ZNF423: variants seen among roughly 807,000 people sequenced by gnomAD.
The protein encoded by ZNF423 is Ebf-associated zinc finger protein.
ZNF423 carries 12 observed loss-of-function variants against 95.8 expected under a neutral mutation model. That is an observed-to-expected ratio of 0.13 (90% CI 0.08 to 0.20). ZNF423 has a LOEUF of 0.20. Among genes scored for constraint, ZNF423 ranks in the 10% least tolerant of loss-of-function variants. The pLI is 1.00. For missense variants in ZNF423, 1,316 were observed against 1,737.1 expected (o/e 0.76, Z 4.31); for synonymous variants, 749 against 711.9 (o/e 1.05, Z -0.83).
chr16:49,638,561 G>C lies in ZNF423; in HGVS notation c.615C>G (p.His205Gln). ...LHTGDKKYHC[H>Q]ECEAAFSRSD... ...TGCGGGAGAAGGCTGCCTCGCACTCGTGGCAGTGATACTTCTTGTCGCCCG... is the reference window on the plus strand; with the variant it reads ...TGCGGGAGAAGGCTGCCTCGCACTCCTGGCAGTGATACTTCTTGTCGCCCG... Residue 205 changes from histidine (H) to glutamine (Q), a missense_variant, in exon 4 of 8, where the codon CAC becomes CAG. His to Gln is a conservative substitution (Grantham distance 24). Coordinates refer to ENST00000563137, the MANE Select transcript of ZNF423 (RefSeq NM_001379286.1). This position sits in a 1 kb window ranked among gnomAD's most constrained non-coding sequence, Gnocchi z 5.6. The C allele has an allele frequency of 6.2e-7, 1 of 1,613,852 alleles. No homozygotes were observed.
At chr16:49,731,463 T>C in intron 2 of ZNF423, 1 of 709,876 alleles carries the variant, frequency 1.4e-6, no homozygotes, top group Non-Finnish European at 1.7e-6. Flanking sequence ...TGTCCAACTC[T>C]GAAATAAAGG....
chr16:49,550,978 G>A (rs572579026), intron 5 of ZNF423, among the ~76,000 whole-genome samples: 1 of 152,222 alleles, frequency 6.6e-6, no homozygotes, highest in Admixed American at 6.5e-5. Flanking sequence ...CTGCTGGACC[G>A]ATGAAGAGAC....
chr16:49,771,879 T>G (rs557172802), intron 2 of ZNF423, among the ~76,000 whole-genome samples: 4 of 151,872 alleles, frequency 2.6e-5, no homozygotes, highest in Admixed American at 2.0e-4. Flanking sequence ...CTCACCAGGG[T>G]TCTCCCAAGA....
chr16:49,547,937 G>A (rs768776093), intron 5 of ZNF423, among the ~76,000 whole-genome samples: 10 of 152,152 alleles, frequency 6.6e-5, no homozygotes, highest in Non-Finnish European at 5.9e-5. Flanking sequence ...CGTTTTCCAC[G>A]GCCTCCTTCC....
intron 7 of ZNF423, among the ~76,000 whole-genome samples, chr16:49,504,032 G>A (rs904625118): frequency 6.6e-6 from 1 of 152,198 alleles, no homozygotes; most frequent in African/African-American, 2.4e-5. Flanking sequence ...TCTCTTGTAC[G>A]AGGTGCCTAA....
intron 1 of ZNF423, among the ~76,000 whole-genome samples, chr16:49,815,881 A>AATATATATATATAT (rs1169322824): frequency 8.4e-5 from 4 of 47,596 alleles, no homozygotes; most frequent in African/African-American, 4.0e-4. Flanking sequence ...AAAAAAAAAA[A>AATATATATATATAT]ATATATATAT....
intron 1 of ZNF423, among the ~76,000 whole-genome samples, chr16:49,849,948 T>C (rs1186509913): frequency 6.6e-6 from 1 of 152,168 alleles, no homozygotes; most frequent in Non-Finnish European, 1.5e-5. Flanking sequence ...CAAAGGGATA[T>C]TACCATCATG....
rs571634038 is a variant in ZNF423 at position 49,615,765 on chromosome 16, C to G, written c.3601+10405G>C. On this transcript the variant is annotated intron_variant, in intron 5 of 7. Coordinates refer to ENST00000563137, the MANE Select transcript of ZNF423 (RefSeq NM_001379286.1). ...AGTTAAGCCCAGGCCAACCCCTGGG[C>G]CTCTGTCGCCATGACCTGGCTCCAC... Among the ~76,000 whole-genome samples the G allele has an allele frequency of 3.3e-5, 5 of 152,298 alleles. No homozygotes were observed. The South Asian group carries it at 1.0e-3, about 32-fold the overall frequency.
chr16:49,610,844 C>G (rs9934003), intron 5 of ZNF423, among the ~76,000 whole-genome samples: 34,039 of 151,626 alleles, frequency 0.22, 4,289 homozygotes, highest in African/African-American at 0.34. Flanking sequence ...TGCAAACATT[C>G]ATTGAAAGAA....
chr16:49,768,548 T>C (rs1284493043), intron 2 of ZNF423, among the ~76,000 whole-genome samples: 1 of 152,112 alleles, frequency 6.6e-6, no homozygotes, highest in Non-Finnish European at 1.5e-5. Flanking sequence ...AAGATTTTCT[T>C]CATAGGGTTC....
chr16:49,620,708 G>T (rs1041312268), intron 5 of ZNF423, among the ~76,000 whole-genome samples: 2 of 152,170 alleles, frequency 1.3e-5, no homozygotes, highest in East Asian at 3.9e-4. Context: ...GGGCCCAGAG[G>T]CTGAGTCACT....
chr16:49,760,938 G>A (rs953798569), intron 2 of ZNF423, among the ~76,000 whole-genome samples: 4 of 125,802 alleles, frequency 3.2e-5, no homozygotes, highest in East Asian at 2.4e-4. Context: ...ACACACACAC[G>A]TACACACACG....
intron 1 of ZNF423, among the ~76,000 whole-genome samples, chr16:49,833,528 C>T (rs2144065241): frequency 6.6e-6 from 1 of 152,292 alleles, no homozygotes; most frequent in East Asian, 1.9e-4. Context: ...TCACAAGACA[C>T]ATTCGAGTGA....
intron 5 of ZNF423, among the ~76,000 whole-genome samples, chr16:49,540,684 C>T (rs560553672): frequency 6.6e-6 from 1 of 152,298 alleles, no homozygotes; most frequent in Non-Finnish European, 1.5e-5. Context: ...AGGGCAGGAC[C>T]TTAGTGACAA....
chr16:49,670,549 C>T (rs2030758964), intron 3 of ZNF423, among the ~76,000 whole-genome samples: 2 of 152,154 alleles, frequency 1.3e-5, no homozygotes, highest in Admixed American at 1.3e-4. Flanking sequence ...GGCAGCCAAC[C>T]TAGTGCCAAG....
At chr16:49,818,736 A>C (rs920810973) in intron 1 of ZNF423, among the ~76,000 whole-genome samples, 23 of 151,762 alleles carry the variant, frequency 1.5e-4, no homozygotes, top group Non-Finnish European at 2.5e-4. Flanking sequence ...TATAAAAATA[A>C]ATTAGCTGAG....
At chr16:49,710,580 G>C (rs6416783) in intron 3 of ZNF423, among the ~76,000 whole-genome samples, 56,995 of 152,062 alleles carry the variant, frequency 0.37, 12,177 homozygotes, top group African/African-American at 0.58. Flanking sequence ...CTCCATCCCC[G>C]GCATCCTGGT....
intron 5 of ZNF423, among the ~76,000 whole-genome samples, chr16:49,584,503 C>T (rs76687181): frequency 0.046 from 7,037 of 152,270 alleles, 167 homozygotes; most frequent in Non-Finnish European, 0.052. Context: ...TACTCATACG[C>T]TGGGGCTGCC....
At position 49,515,283 on chromosome 16, in the gene ZNF423, G is replaced by T. The variant is rs113537566; in HGVS notation, c.3849+8341C>A. Among the ~76,000 whole-genome samples, 308 of 152,356 alleles carry T rather than the reference G, an allele frequency of 2.0e-3. No homozygotes were observed. The Middle Eastern group carries it at 0.024, about 12-fold the overall frequency. ...GGCTCACCCAGGAGCAATTTTTCTTGCATCCCCTGTTACTGCTACTTGTGC... is the reference window on the plus strand; with the variant it reads ...GGCTCACCCAGGAGCAATTTTTCTTTCATCCCCTGTTACTGCTACTTGTGC... On this transcript the variant is annotated intron_variant, in intron 7 of 7. Coordinates refer to ENST00000563137, the MANE Select transcript of ZNF423 (RefSeq NM_001379286.1).
Sources: gnomAD v4.1 joint callset for allele counts (sites outside exome capture counted in the v4.1 genomes callset) on GRCh38, gnomAD v4.1.1 for gene constraint, Gnocchi (gnomAD v3.1) non-coding constraint, MANE v1.5 for transcripts, NCBI Gene and HGNC (gene_info 2026-07-23, HGNC 2026-07-21) for gene names.